Variants in CDH13 observed in about 807,000 individuals in gnomAD.
CDH13 encodes cadherin-13.
Under a neutral mutation model 63.8 loss-of-function variants are expected in CDH13, and 24 were observed. The ratio of observed to expected loss-of-function variants is 0.38; its 90% CI spans 0.27 to 0.53. The LOEUF (loss-of-function observed/expected upper bound fraction) is 0.53. Among genes scored for constraint, CDH13 ranks in the 20% least tolerant of loss-of-function variants. The pLI is 0.85. For missense variants in CDH13, 1,049 were observed against 903.1 expected (o/e 1.16, Z -2.07); for synonymous variants, 503 against 355.3 (o/e 1.42, Z -4.67).
chr16:83,247,682 T>A (rs909908310), intron 5 of CDH13, among the ~76,000 whole-genome samples: 8 of 152,220 alleles, frequency 5.3e-5, no homozygotes, highest in African/African-American at 1.9e-4. Flanking sequence ...TTTCACTGTT[T>A]TAATGTTAAT....
chr16:83,412,398 G>A (rs1410413944), intron 6 of CDH13, among the ~76,000 whole-genome samples: 1 of 152,118 alleles, frequency 6.6e-6, no homozygotes, highest in Non-Finnish European at 1.5e-5. Flanking sequence ...GGAGGCAGAG[G>A]TTGCAATGAG....
intron 2 of CDH13, among the ~76,000 whole-genome samples, chr16:82,881,858 C>G (rs1322044371): frequency 6.6e-6 from 1 of 152,142 alleles, no homozygotes; most frequent in African/African-American, 2.4e-5. Context: ...AGGTCTCTTT[C>G]CAGAGCTCAC....
chr16:83,395,014 G>C (rs548506274), intron 6 of CDH13, among the ~76,000 whole-genome samples: 56 of 152,218 alleles, frequency 3.7e-4, no homozygotes, highest in Non-Finnish European at 6.8e-4. Flanking sequence ...TGGGCATGGT[G>C]GTGGGCACCT....
chr16:83,011,306 A>C (rs922850522), intron 2 of CDH13, among the ~76,000 whole-genome samples: 1 of 152,204 alleles, frequency 6.6e-6, no homozygotes, highest in African/African-American at 2.4e-5. Context: ...TGATGACGTC[A>C]TGCTTGCAAA....
intron 10 of CDH13, among the ~76,000 whole-genome samples, chr16:83,720,319 G>T (rs75036763): frequency 2.8e-5 from 4 of 140,414 alleles, no homozygotes; most frequent in African/African-American, 7.6e-5. Flanking sequence ...GCACACACAT[G>T]CACACACATT....
At chr16:83,412,321 G>T (rs887752826) in intron 6 of CDH13, among the ~76,000 whole-genome samples, 4 of 152,122 alleles carry the variant, frequency 2.6e-5, no homozygotes, top group Non-Finnish European at 5.9e-5. Flanking sequence ...AATTAGTCAG[G>T]CATGGTGGCA....
In CDH13 at chr16:83,096,564, A is replaced by G. The variant is rs181971867; in HGVS notation, c.367-28821A>G. On this transcript the variant is annotated intron_variant, in intron 3 of 13. Coordinates refer to ENST00000567109, the MANE Select transcript of CDH13 (RefSeq NM_001257.5). The stretch of plus-strand genomic sequence containing the variant: ...ATTGCCACCACGACTCATGATTTCA[A>G]TTCTCAGGACTGAGTATCTCTGCTG... 2.0e-3 allele frequency among the ~76,000 whole-genome samples: 309 copies of G among 152,334 alleles called. 1 individual carries two copies. The highest frequency in any genetic ancestry group is 5.0e-3 in the South Asian group (24 of 4,834).
At chr16:83,445,855 T>C (rs2072671748) in intron 6 of CDH13, among the ~76,000 whole-genome samples, 1 of 152,156 alleles carries the variant, frequency 6.6e-6, no homozygotes, top group Non-Finnish European at 1.5e-5. Flanking sequence ...GGGGAGATAC[T>C]GAAGTAGGAG....
At chr16:83,789,972 C>T (rs1216471004) in intron 13 of CDH13, 2 of 151,582 alleles carry the variant, frequency 1.3e-5, no homozygotes, top group Non-Finnish European at 2.9e-5. Context: ...AAGCATCATT[C>T]ATAAAACTTC....
chr16:83,223,092 G>C (rs2039745770), intron 5 of CDH13, among the ~76,000 whole-genome samples: 1 of 143,456 alleles, frequency 7.0e-6, no homozygotes, highest in African/African-American at 2.5e-5. Context: ...CTGTTAGAGA[G>C]AAGTGTCATA....
chr16:83,407,864 C>G (rs550522189), intron 6 of CDH13, among the ~76,000 whole-genome samples: 1 of 152,310 alleles, frequency 6.6e-6, no homozygotes, highest in East Asian at 1.9e-4. Context: ...AATCGACTCA[C>G]AAATGTATAA....
chr16:82,930,674 G>A lies in CDH13; in HGVS notation c.157+72201G>A, dbSNP rs182090749. On this transcript the variant is annotated intron_variant, in intron 2 of 13. Coordinates refer to ENST00000567109, the MANE Select transcript of CDH13 (RefSeq NM_001257.5). ...AGAAAACATATTAAGATGTTCTTAG[G>A]ACTCTGAGTAGTTATGCCCTCAGAT... Among the ~76,000 whole-genome samples, 10 of 152,198 alleles carry A rather than the reference G, an allele frequency of 6.6e-5. No individual in the cohort carries two copies. The East Asian group carries it at 1.9e-3, about 29-fold the overall frequency.
intron 7 of CDH13, among the ~76,000 whole-genome samples, chr16:83,544,084 C>A (rs1237508106): frequency 1.3e-5 from 2 of 152,140 alleles, no homozygotes; most frequent in African/African-American, 4.8e-5. Flanking sequence ...AGGTGGGGTG[C>A]TCTGTGCAGT....
In CDH13 at chr16:82,877,964, TAC is replaced by T. The variant is rs1228603713; in HGVS notation, c.157+19504_157+19505del. Among the ~76,000 whole-genome samples the T allele has an allele frequency of 2.7e-3, 151 of 55,098 alleles. 1 individual carries two copies. The highest frequency in any genetic ancestry group is 0.013 in the South Asian group (13 of 1,018). 36.1% of individuals were successfully genotyped at this position (55,098 alleles called of 152,430 possible). A position where few individuals can be genotyped will look rare whatever the true frequency, so the allele number is the denominator to read the frequency against. On this transcript the variant is annotated intron_variant, in intron 2 of 13. Transcript: ENST00000567109. Reference sequence around the variant, plus strand: ...ACACACACACACACACACACACATATACACACACACACACTCTATATATGTAT... The same window carrying T: ...ACACACACACACACACACACACATATACACACACACACTCTATATATGTAT...
chr16:83,246,724 G>C (rs1905032220), intron 5 of CDH13, among the ~76,000 whole-genome samples: 1 of 152,182 alleles, frequency 6.6e-6, no homozygotes, highest in Non-Finnish European at 1.5e-5. Flanking sequence ...CTTCGCCGGT[G>C]TTGCTGCCAG....
intron 7 of CDH13, among the ~76,000 whole-genome samples, chr16:83,561,933 A>C (rs974391113): frequency 6.6e-6 from 1 of 152,184 alleles, no homozygotes; most frequent in Non-Finnish European, 1.5e-5. Flanking sequence ...ATGGGAGGTG[A>C]ATGATAAAAA....
chr16:83,127,561 C>T (rs1366851763), intron 4 of CDH13, among the ~76,000 whole-genome samples: 7 of 152,022 alleles, frequency 4.6e-5, no homozygotes, highest in Non-Finnish European at 8.8e-5. Context: ...GAAACCCCGT[C>T]TCAACTAAAA....
intron 2 of CDH13, among the ~76,000 whole-genome samples, chr16:83,026,969 G>A (rs1195382880): frequency 6.6e-6 from 1 of 152,114 alleles, no homozygotes; most frequent in Non-Finnish European, 1.5e-5. Flanking sequence ...GGGCCAAGGG[G>A]AGAGCATAGC....
chr16:83,226,640 C>T (rs1462605716), intron 5 of CDH13, among the ~76,000 whole-genome samples: 1 of 152,224 alleles, frequency 6.6e-6, no homozygotes, highest in Non-Finnish European at 1.5e-5. Flanking sequence ...TACTTGGCGG[C>T]ATTTTCTTTC....
Sources: gnomAD v4.1 joint callset for allele counts (sites outside exome capture counted in the v4.1 genomes callset) on GRCh38, gnomAD v4.1.1 for gene constraint, MANE v1.5 for transcripts, NCBI Gene and HGNC (gene_info 2026-07-23, HGNC 2026-07-21) for gene names.